The following DISP3 variants were observed in gnomAD, a reference collection of about 807,000 sequenced individuals.
The protein encoded by DISP3 is protein dispatched homolog 3.
Under a neutral mutation model 135.3 loss-of-function variants are expected in DISP3, and 101 were observed. That is an observed-to-expected ratio of 0.75 (90% CI 0.64 to 0.88). The LOEUF (loss-of-function observed/expected upper bound fraction) is 0.88. DISP3 is among the 40% of genes least tolerant of loss of function. The pLI is 0.00. For missense variants in DISP3, 1,713 were observed against 1,878.6 expected (o/e 0.91, Z 1.63); for synonymous variants, 856 against 817.0 (o/e 1.05, Z -0.81).
Position 11,501,587 on chromosome 1 carries a change from C to T in DISP3, c.595C>T (p.Arg199Trp). ...CGCGGCTCAAAAGCCCACAGCCAAT[C>T]GGAGCGGGCGACTTCGGCGTGAGAC... ...TSAAQKPTAN[R>W]SGRLRRETPP... The change falls in exon 2 of 21, where the codon CGG becomes TGG. Residue 199 changes from arginine (R) to tryptophan (W), a missense_variant. Around this residue, in one of 2 missense-constraint regions of DISP3, gnomAD observed 571 missense variants for 494.1 expected, o/e 1.16. Transcript: ENST00000294484. This position sits in a 1 kb window ranked among gnomAD's most constrained non-coding sequence, Gnocchi z 4.9. The T allele has an allele frequency of 4.4e-6, 7 of 1,593,402 alleles. No homozygotes were observed. Among genetic ancestry groups the T allele is most frequent in the Non-Finnish European group, 5.1e-6 (6 of 1,168,196 alleles).
Position 11,520,984 on chromosome 1 carries a change from A to C in DISP3, c.2362+136A>C. Reference sequence around the variant, plus strand: ...AAATCCCACTCCCCTCTGAGCCCCCATGTTCCCACAGTTCATTCAACAGAT... The same window carrying C: ...AAATCCCACTCCCCTCTGAGCCCCCCTGTTCCCACAGTTCATTCAACAGAT... On this transcript the variant is annotated intron_variant, in intron 10 of 20. Coordinates refer to ENST00000294484, the MANE Select transcript of DISP3 (RefSeq NM_020780.2). This position sits in a 1 kb window ranked among gnomAD's most constrained non-coding sequence, Gnocchi z 4.8. 1.8e-6 allele frequency: 2 copies of C among 1,098,182 alleles called. No individual in the cohort carries two copies. The highest frequency in any genetic ancestry group is 2.5e-6 in the Non-Finnish European group (2 of 790,810). 68.0% of individuals were successfully genotyped at this position (1,098,182 alleles called of 1,614,324 possible).
Position 11,519,265 on chromosome 1 carries a change from C to G in DISP3, c.1890-90C>G, listed in dbSNP as rs899101176. The G allele has an allele frequency of 2.8e-6, 4 of 1,434,236 alleles. No individual in the cohort carries two copies. The highest frequency in any genetic ancestry group is 2.8e-5 in the African/African-American group (2 of 71,458). 88.8% of individuals were successfully genotyped at this position (1,434,236 alleles called of 1,614,324 possible). ...TGTGACGTCAGCAGCACTGTGATAC[C>G]TGGGTTCATCTGATCCTCAGGGCCC... is the stretch of plus-strand genomic sequence containing the variant. On this transcript the variant is annotated intron_variant, in intron 7 of 20. Coordinates refer to ENST00000294484, the MANE Select transcript of DISP3 (RefSeq NM_020780.2). The surrounding 1 kb of genome is among the most constrained non-coding windows in gnomAD (Gnocchi z 4.3).
In DISP3 at chr1:11,501,808, CTGGCGCAT is replaced by C; in HGVS notation, c.817_824del (p.Trp273ArgfsTer18). The C allele has an allele frequency of 6.2e-7, 1 of 1,608,076 alleles. No homozygotes were observed. The highest frequency in any genetic ancestry group is 8.5e-7 in the Non-Finnish European group (1 of 1,176,892). On this transcript the variant is annotated frameshift_variant, in exon 2 of 21. Transcript: ENST00000294484. LOFTEE classifies it high-confidence loss of function. This position sits in a 1 kb window ranked among gnomAD's most constrained non-coding sequence, Gnocchi z 4.9. The stretch of plus-strand genomic sequence containing the variant: ...GTGCCAACACTCAGACGCACGCGCA[CTGGCGCAT>C]CGAGCTCATCTTCCTGGCGCGCGGC...
At position 11,536,947 on chromosome 1, in the gene DISP3, C is replaced by A; in HGVS notation, c.*261C>A. 1.9e-6 allele frequency: 1 copy of A among 540,062 alleles called. No individual in the cohort carries two copies. Among genetic ancestry groups the A allele is most frequent in the Non-Finnish European group, 3.3e-6 (1 of 307,034 alleles). 33.5% of individuals were successfully genotyped at this position (540,062 alleles called of 1,614,324 possible). On this transcript the variant is annotated 3_prime_UTR_variant, in exon 21 of 21. Transcript: ENST00000294484. This position sits in a 1 kb window ranked among gnomAD's most constrained non-coding sequence, Gnocchi z 4.3. ...TGCCCAGTGGCAGAAGAGACCAGCC[C>A]TCCTCCCATGCCCGGTCACCATGGG... is the stretch of plus-strand genomic sequence containing the variant.
At position 11,519,403 on chromosome 1, in the gene DISP3, C is replaced by T. The variant is rs115714778; in HGVS notation, c.1938C>T (p.Asp646=). Residue 646 remains aspartate (D), a synonymous_variant, in exon 8 of 21, where the codon GAC becomes GAT. Transcript: ENST00000294484. This position sits in a 1 kb window ranked among gnomAD's most constrained non-coding sequence, Gnocchi z 4.3. ...AGACCTCCCTGCACTTCCCCGGAGA[C>T]GTGTTTGCCGCTCCCGAGCAGGTTG... ...SRKTSLHFPG[D]VFAAPEQVGG... The T allele has an allele frequency of 6.0e-4, 966 of 1,613,854 alleles. 2 individuals are homozygous for T. The highest frequency in any genetic ancestry group is 7.3e-4 in the Non-Finnish European group (861 of 1,179,956).
At chr1:11,498,172 T>A (rs558114791) in intron 1 of DISP3, among the ~76,000 whole-genome samples, 57 of 152,312 alleles carry the variant, frequency 3.7e-4, no homozygotes, top group African/African-American at 7.9e-4. Flanking sequence ...TAACAAAACA[T>A]CCCAGAGTGC....
chr1:11,487,332 G>C (rs1302503093), intron 1 of DISP3, among the ~76,000 whole-genome samples: 2 of 152,200 alleles, frequency 1.3e-5, no homozygotes, highest in Non-Finnish European at 2.9e-5. Flanking sequence ...CTTCCTGAGG[G>C]GACATGGAGA....
intron 17 of DISP3, chr1:11,533,775 C>G: frequency 1.4e-6 from 1 of 716,660 alleles, no homozygotes; most frequent in African/African-American, 1.8e-5. Context: ...CTGGCTTGTG[C>G]TCAGCAAGAG....
chr1:11,515,846 A>G (rs1248596875), intron 5 of DISP3, among the ~76,000 whole-genome samples, 155 bp from the exon 6 acceptor site: 1 of 151,984 alleles, frequency 6.6e-6, no homozygotes, highest in Non-Finnish European at 1.5e-5. Context: ...GGGAGGAGCC[A>G]ATCAGAGGGG....
Position 11,501,638 on chromosome 1 carries a change from A to G in DISP3, c.646A>G (p.Asn216Asp). Reference sequence around the variant, plus strand: ...CCCGCCCCTGGAGGATCTGGCAGCCAACCAGAGTGAAGACCCGCGAAACCA... The same window carrying G: ...CCCGCCCCTGGAGGATCTGGCAGCCGACCAGAGTGAAGACCCGCGAAACCA... ...ETPPLEDLAA[N>D]QSEDPRNQRL... is the part of the protein sequence containing the mutation. The change falls in exon 2 of 21, where the codon AAC becomes GAC. Residue 216 changes from asparagine to aspartate, a missense_variant. By Grantham distance (23) the Asn-to-Asp change is conservative (BLOSUM62 1). This residue lies in a region of DISP3 where 571 missense variants were observed against 494.1 expected (regional missense o/e 1.16). Transcript: ENST00000294484. The surrounding 1 kb of genome is among the most constrained non-coding windows in gnomAD (Gnocchi z 4.9). The G allele has an allele frequency of 6.2e-7, 1 of 1,609,414 alleles. No homozygotes were observed.
chr1:11,505,831 C>T (rs1249353955), intron 3 of DISP3, among the ~76,000 whole-genome samples: 1 of 152,152 alleles, frequency 6.6e-6, no homozygotes, highest in African/African-American at 2.4e-5. Flanking sequence ...TATTTATTCA[C>T]ATATTTACCG....
intron 3 of DISP3, among the ~76,000 whole-genome samples, chr1:11,511,736 T>C (rs1441695063): frequency 1.3e-5 from 2 of 152,202 alleles, no homozygotes; most frequent in Non-Finnish European, 2.9e-5. Flanking sequence ...AGTGGCCCAG[T>C]AGGGACTCTG....
rs182815266 is a variant in DISP3, at chr1:11,529,433, G to A, written c.2799-123G>A. The A allele has an allele frequency of 1.7e-6, 2 of 1,189,414 alleles. No homozygotes were observed. Among genetic ancestry groups the A allele is most frequent in the Non-Finnish European group, 2.3e-6 (2 of 851,602 alleles). 73.7% of individuals were successfully genotyped at this position (1,189,414 alleles called of 1,614,324 possible). A position where few individuals can be genotyped will look rare whatever the true frequency, so the allele number is the denominator to read the frequency against. Reference sequence around the variant, plus strand: ...CCTGAGAACAAATCCCCATGCCGGGGCAGAGCCCGAGTCCAGACCCCATGA... The same window carrying A: ...CCTGAGAACAAATCCCCATGCCGGGACAGAGCCCGAGTCCAGACCCCATGA... On this transcript the variant is annotated intron_variant, in intron 13 of 20. Transcript: ENST00000294484. This position sits in a 1 kb window ranked among gnomAD's most constrained non-coding sequence, Gnocchi z 4.7.
chr1:11,485,912 C>G (rs1641025381), intron 1 of DISP3, among the ~76,000 whole-genome samples: 1 of 152,202 alleles, frequency 6.6e-6, no homozygotes, highest in Non-Finnish European at 1.5e-5. Context: ...GCCCCACACT[C>G]TGGCCTTTAC....
intron 19 of DISP3, 62 bp from the exon 20 acceptor site, chr1:11,535,416 C>G: frequency 1.9e-6 from 3 of 1,543,584 alleles, no homozygotes; most frequent in Non-Finnish European, 2.6e-6. Flanking sequence ...CCAGACCTCC[C>G]TGTTCCTCTG....
intron 20 of DISP3, 55 bp downstream of exon 20, chr1:11,535,699 TG>T: frequency 6.4e-7 from 1 of 1,562,396 alleles, no homozygotes; most frequent in Non-Finnish European, 8.7e-7. Context: ...TTCTCCCACC[TG>T]GGTGCAGCTG....
chr1:11,527,107 G>T (rs1449236749), intron 13 of DISP3, among the ~76,000 whole-genome samples: 2 of 152,028 alleles, frequency 1.3e-5, no homozygotes, highest in African/African-American at 4.8e-5. Flanking sequence ...CTTAATTTTT[G>T]TATTTTTAGT....
intron 4 of DISP3, among the ~76,000 whole-genome samples, chr1:11,514,919 G>T (rs1641960451): frequency 6.6e-6 from 1 of 152,138 alleles, no homozygotes; most frequent in Admixed American, 6.5e-5. Flanking sequence ...TGTGCCCCTG[G>T]ATACTAGCTG....
intron 17 of DISP3, chr1:11,533,591 C>G: frequency 1.6e-6 from 1 of 608,150 alleles, no homozygotes; most frequent in Non-Finnish European, 3.0e-6. Flanking sequence ...GCAAGGTTCA[C>G]CATGTTGCAG....
Sources: gnomAD v4.1 joint callset for allele counts (sites outside exome capture counted in the v4.1 genomes callset) on GRCh38, gnomAD v4.1.1 for gene constraint, gnomAD v4.1.1 regional missense constraint, Gnocchi (gnomAD v3.1) non-coding constraint, MANE v1.5 for transcripts, NCBI Gene and HGNC (gene_info 2026-07-23, HGNC 2026-07-21) for gene names.